Variants in PTPN11 observed in about 807,000 individuals in gnomAD.
PTPN11 encodes tyrosine-protein phosphatase non-receptor type 11.
Under a neutral mutation model 78.8 loss-of-function variants are expected in PTPN11, and 6 were observed. The ratio of observed to expected loss-of-function variants is 0.08; its 90% confidence interval spans 0.04 to 0.15. PTPN11 has a LOEUF of 0.15. Ranked by LOEUF, PTPN11 falls within the 10% of genes least tolerant of loss-of-function variation. PTPN11 has a pLI of 1.00. For missense variants in PTPN11, 386 were observed against 744.8 expected (o/e 0.52, Z 5.61); for synonymous variants, 221 against 263.5 (o/e 0.84, Z 1.56).
chr12:112,473,579 G>A (rs1381368634), intron 7 of PTPN11, among the ~76,000 whole-genome samples: 1 of 152,102 alleles, frequency 6.6e-6, no homozygotes, highest in African/African-American at 2.4e-5. Context: ...GGGCGCAGTG[G>A]CTCACACCTG....
At chr12:112,494,809 G>C (rs779611175) in intron 13 of PTPN11, among the ~76,000 whole-genome samples, 2 of 152,128 alleles carry the variant, frequency 1.3e-5, no homozygotes, top group African/African-American at 4.8e-5. Context: ...ATGATGGTTC[G>C]ACTTATGATT....
In PTPN11 at chr12:112,428,230, G is replaced by T. The variant is rs1191104834; in HGVS notation, c.14+9105G>T. 1.3e-5 allele frequency among the ~76,000 whole-genome samples: 2 copies of T among 152,184 alleles called. 1 individual carries two copies. Among genetic ancestry groups the T allele is most frequent in the Middle Eastern group, 6.8e-3 (2 of 294 alleles). Reference sequence around the variant, plus strand: ...ATTCTGTATTAATTGTAATAAACTTGTTGATAAACTCAAATGAGGCCATAC... The same window carrying T: ...ATTCTGTATTAATTGTAATAAACTTTTTGATAAACTCAAATGAGGCCATAC... On this transcript the variant is annotated intron_variant, in intron 1 of 15. Coordinates refer to ENST00000351677, the MANE Select transcript of PTPN11 (RefSeq NM_002834.5).
chr12:112,458,175 A>G (rs2038192298), intron 6 of PTPN11, among the ~76,000 whole-genome samples: 1 of 152,154 alleles, frequency 6.6e-6, no homozygotes, highest in Non-Finnish European at 1.5e-5. Flanking sequence ...TAAGTAAATT[A>G]TTCAATCTTC....
At chr12:112,425,106 G>C (rs1223955952) in intron 1 of PTPN11, among the ~76,000 whole-genome samples, 1 of 151,446 alleles carries the variant, frequency 6.6e-6, no homozygotes, top group Non-Finnish European at 1.5e-5. Flanking sequence ...CACCCGCCTC[G>C]GCCTCCAAAG....
rs2038439748 is a variant in PTPN11 at position 112,472,822 on chromosome 12, A to G, written c.757-122A>G. ...GACCCAGATGAACATTCTTGTAGCT[A>G]TCGCACACAATTCTGAACATTTCCT... On this transcript the variant is annotated intron_variant, in intron 6 of 15. Transcript: ENST00000351677. The G allele has an allele frequency of 4.7e-6, 4 of 851,364 alleles. No homozygotes were observed. In the African/African-American group the frequency reaches 5.1e-5, roughly 11 times the overall value. 52.7% of individuals were successfully genotyped at this position (851,364 alleles called of 1,614,324 possible).
chr12:112,497,696 G>A lies in PTPN11; in HGVS notation c.1600-4448G>A, dbSNP rs377039564. ...TGGTTGGAGTAGAAGGAGCTGGGGG[G>A]CAATGTGGAGTGTGATGGGGAGATT... On this transcript the variant is annotated intron_variant, in intron 13 of 15. Transcript: ENST00000351677. Among the ~76,000 whole-genome samples the A allele has an allele frequency of 1.8e-4, 27 of 152,354 alleles. No homozygotes were observed. The East Asian group carries it at 3.1e-3, about 17-fold the overall frequency.
At chr12:112,441,119 C>T (rs557034693) in intron 1 of PTPN11, among the ~76,000 whole-genome samples, 1 of 151,914 alleles carries the variant, frequency 6.6e-6, no homozygotes, top group African/African-American at 2.4e-5. Flanking sequence ...CATGCGCCAC[C>T]ATGCCCGGCT....
rs1426298742 is a variant in PTPN11, at chr12:112,418,954, G to C, written c.-158G>C. Reference sequence around the variant, plus strand: ...GCCGGGGGGCAGCTGCACAGTCTCCGGGATCCCCAGGCCTGGAGGGGGGTC... The same window carrying C: ...GCCGGGGGGCAGCTGCACAGTCTCCCGGATCCCCAGGCCTGGAGGGGGGTC... On this transcript the variant is annotated 5_prime_UTR_variant, in exon 1 of 16. Coordinates refer to ENST00000351677, the MANE Select transcript of PTPN11 (RefSeq NM_002834.5). 6.9e-6 allele frequency: 6 copies of C among 864,836 alleles called. No individual in the cohort carries two copies. Among genetic ancestry groups the C allele is most frequent in the African/African-American group, 5.3e-5 (3 of 56,580 alleles). The allele number at this position is 864,836 out of a possible 1,614,324, so 53.6% of individuals were successfully genotyped here.
At chr12:112,449,314 G>A (rs1449505604) in intron 2 of PTPN11, among the ~76,000 whole-genome samples, 1 of 149,130 alleles carries the variant, frequency 6.7e-6, no homozygotes, top group African/African-American at 2.4e-5. Flanking sequence ...TACCATCCTG[G>A]CTAACATGGT....
intron 3 of PTPN11, 74 bp downstream of exon 3, chr12:112,450,586 G>C (rs940147849): frequency 7.1e-7 from 1 of 1,398,958 alleles, no homozygotes; most frequent in Non-Finnish European, 1.0e-6. Context: ...ATGACGGTCT[G>C]TGTATGACTC....
chr12:112,493,681 A>G (rs1354906353), intron 13 of PTPN11, among the ~76,000 whole-genome samples: 1 of 152,016 alleles, frequency 6.6e-6, no homozygotes. Flanking sequence ...GAGCCACCAC[A>G]CCCAGCCACA....
chr12:112,451,033 G>C (rs2038072205), intron 3 of PTPN11, among the ~76,000 whole-genome samples: 1 of 152,136 alleles, frequency 6.6e-6, no homozygotes, highest in Non-Finnish European at 1.5e-5. Context: ...AGAAAATTAT[G>C]TTATTTTCGA....
intron 6 of PTPN11, among the ~76,000 whole-genome samples, chr12:112,468,735 G>A (rs1379264821): frequency 3.3e-5 from 5 of 152,156 alleles, no homozygotes; most frequent in South Asian, 2.1e-4. Context: ...CCCCAAGTCC[G>A]CCTGGAAGAG....
At chr12:112,481,781 T>G (rs960767758) in intron 9 of PTPN11, among the ~76,000 whole-genome samples, 2 of 152,060 alleles carry the variant, frequency 1.3e-5, no homozygotes, top group Non-Finnish European at 2.9e-5. Context: ...CATGAGCCAC[T>G]GCGCCCCAGC....
intron 1 of PTPN11, among the ~76,000 whole-genome samples, chr12:112,440,563 CTTTTTTTTTTTTT>C (rs772805515): frequency 1.2e-4 from 11 of 90,712 alleles, no homozygotes; most frequent in Non-Finnish European, 2.0e-4. Context: ...TGTGCCTGGC[CTTTTTTTTTTTTT>C]TTTTTTTTTT....
chr12:112,463,281 A>G (rs1426863439), intron 6 of PTPN11, among the ~76,000 whole-genome samples: 3 of 151,898 alleles, frequency 2.0e-5, no homozygotes, highest in Non-Finnish European at 4.4e-5. Flanking sequence ...GGGTCTTGCT[A>G]TGTTGCCCAG....
At position 112,474,643 on chromosome 12, in the gene PTPN11, C is replaced by T. The variant is rs972910920; in HGVS notation, c.853+1603C>T. ...TATTTATTTATTTTTGAGATAGGGT[C>T]TTACTCTGTTGCCCAGGCTGGAGTG... On this transcript the variant is annotated intron_variant, in intron 7 of 15. Transcript: ENST00000351677. 2.6e-5 allele frequency among the ~76,000 whole-genome samples: 4 copies of T among 151,748 alleles called. No individual in the cohort carries two copies. In the South Asian group the frequency reaches 8.4e-4, roughly 32 times the overall value.
intron 9 of PTPN11, among the ~76,000 whole-genome samples, chr12:112,481,409 A>T (rs149591944): frequency 6.6e-6 from 1 of 152,144 alleles, no homozygotes; most frequent in Non-Finnish European, 1.5e-5. Context: ...CTCCTTTGAC[A>T]TGTGCTTGGA....
At chr12:112,483,489 C>T (rs1029167742) in intron 10 of PTPN11, among the ~76,000 whole-genome samples, 3 of 152,164 alleles carry the variant, frequency 2.0e-5, no homozygotes, top group Non-Finnish European at 4.4e-5. Context: ...CCAGCGCACC[C>T]GGCCAAGGGA....
Sources: allele counts gnomAD v4.1 joint callset (sites outside exome capture counted in the v4.1 genomes callset), GRCh38; gene constraint gnomAD v4.1.1; transcripts MANE v1.5; gene names NCBI Gene and HGNC (gene_info 2026-07-23, HGNC 2026-07-21).